Variants in ANO2 observed in about 807,000 individuals in gnomAD.
ANO2 encodes anoctamin 2, also known as anoctamin-2.
A neutral mutation model predicts 124.2 loss-of-function variants in ANO2; 101 were observed. The observed-to-expected ratio is 0.81, with a 90% CI of 0.69 to 0.96. The LOEUF (loss-of-function observed/expected upper bound fraction) is 0.96, where lower values mean the gene tolerates loss of function less well. Ranked by LOEUF, ANO2 falls within the 40% of genes least tolerant of loss-of-function variation. The pLI, the probability that ANO2 is intolerant of heterozygous loss-of-function variation, is 0.00. For missense variants in ANO2, 1,293 were observed against 1,274.5 expected, an observed-to-expected ratio of 1.01 and a Z score of -0.22; for synonymous variants, 486 against 482.5, an observed-to-expected ratio of 1.01 and a Z score of -0.09.
intron 10 of ANO2, among the ~76,000 whole-genome samples, chr12:5,755,351 A>AT (rs892309862): frequency 2.7e-5 from 4 of 149,880 alleles, no homozygotes; most frequent in Admixed American, 6.6e-5. Flanking sequence ...TGAGAATTCA[A>AT]TTTTTTTCTT....
chr12:5,638,236 C>CTTTTTTT (rs1565505659), intron 15 of ANO2, among the ~76,000 whole-genome samples: 7 of 139,630 alleles, frequency 5.0e-5, no homozygotes, highest in Admixed American at 1.4e-4. Context: ...TGTTTCTTTT[C>CTTTTTTT]CTTTTTTTTT....
At chr12:5,793,124 T>C (rs1279011960) in intron 10 of ANO2, among the ~76,000 whole-genome samples, 2 of 152,158 alleles carry the variant, frequency 1.3e-5, no homozygotes, top group Non-Finnish European at 2.9e-5. Flanking sequence ...ATTTAAAGGG[T>C]TGACCTATAC....
At chr12:5,663,818 C>G (rs1463023503) in intron 14 of ANO2, among the ~76,000 whole-genome samples, 1 of 152,194 alleles carries the variant, frequency 6.6e-6, no homozygotes, top group Non-Finnish European at 1.5e-5. Flanking sequence ...GGTCAGGCCT[C>G]TAAGATGTCA....
intron 1 of ANO2, among the ~76,000 whole-genome samples, chr12:5,926,144 G>C (rs1942068243): frequency 6.6e-6 from 1 of 152,210 alleles, no homozygotes; most frequent in Non-Finnish European, 1.5e-5. Context: ...TGGAAATCTA[G>C]AAGCAGCCTT....
At chr12:5,564,692 A>G (rs1941641135) in intron 24 of ANO2, 1 of 152,256 alleles carries the variant, frequency 6.6e-6, no homozygotes, top group African/African-American at 2.4e-5. Context: ...CATACGGGAA[A>G]GTGAGGAGAC....
rs1400243358 is a variant in ANO2, at chr12:5,827,547, C to T, written c.892+222G>A. On this transcript the variant is annotated intron_variant, in intron 7 of 24. Transcript: ENST00000682330. ...AAAGCCCGGAGACCTGGGAGGAGGG[C>T]CTGGGAGAAGTTACAACAGCCTGGG... Among the ~76,000 whole-genome samples the T allele has an allele frequency of 3.3e-5, 5 of 152,304 alleles. No homozygotes were observed. The East Asian group carries it at 9.7e-4, about 29-fold the overall frequency.
chr12:5,797,326 T>C (rs889016325), intron 10 of ANO2, among the ~76,000 whole-genome samples: 2 of 151,764 alleles, frequency 1.3e-5, no homozygotes, highest in African/African-American at 4.8e-5. Flanking sequence ...CACAGTTAGA[T>C]TGGGGAGTGG....
At chr12:5,697,741 G>A (rs542829592) in intron 14 of ANO2, among the ~76,000 whole-genome samples, 5 of 152,302 alleles carry the variant, frequency 3.3e-5, no homozygotes, top group South Asian at 4.1e-4. Context: ...CTGGAAAATC[G>A]GGTCACTCTC....
chr12:5,644,924 G>A (rs1025965178), intron 15 of ANO2, among the ~76,000 whole-genome samples: 1 of 152,118 alleles, frequency 6.6e-6, no homozygotes, highest in Non-Finnish European at 1.5e-5. Context: ...AATATCAGTT[G>A]TAAGTCCAGG....
intron 16 of ANO2, among the ~76,000 whole-genome samples, chr12:5,628,773 G>A (rs937946806): frequency 7.2e-5 from 11 of 152,202 alleles, no homozygotes; most frequent in African/African-American, 2.7e-4. Flanking sequence ...TAAGCAGGGT[G>A]TGCATCAATG....
chr12:5,623,179 T>A (rs1945214173), intron 16 of ANO2, among the ~76,000 whole-genome samples: 1 of 152,060 alleles, frequency 6.6e-6, no homozygotes, highest in Admixed American at 6.5e-5. Context: ...GCCTTGTGCT[T>A]TGAACAACTC....
chr12:5,750,074 G>A (rs536092127), intron 11 of ANO2, among the ~76,000 whole-genome samples: 20 of 151,990 alleles, frequency 1.3e-4, no homozygotes, highest in African/African-American at 4.8e-4. Context: ...GGGACTACAG[G>A]TACATGCCAC....
At chr12:5,711,940 A>G (rs1949833946) in intron 14 of ANO2, among the ~76,000 whole-genome samples, 1 of 152,190 alleles carries the variant, frequency 6.6e-6, no homozygotes, top group South Asian at 2.1e-4. Context: ...CATGGTGTCC[A>G]AATCCTATCT....
At chr12:5,937,941 C>T (rs528753954) in intron 1 of ANO2, among the ~76,000 whole-genome samples, 68 of 135,490 alleles carry the variant, frequency 5.0e-4, no homozygotes, top group African/African-American at 1.6e-3. Flanking sequence ...TTAGGACATG[C>T]TCATGAGGTC....
chr12:5,928,522 C>T (rs977160370), intron 1 of ANO2, among the ~76,000 whole-genome samples: 1 of 149,260 alleles, frequency 6.7e-6, no homozygotes, highest in Admixed American at 6.8e-5. Context: ...CTCTAGTCTA[C>T]CTTCCTTCCT....
intron 19 of ANO2, among the ~76,000 whole-genome samples, chr12:5,602,190 A>G (rs1009113947): frequency 6.6e-6 from 1 of 152,256 alleles, no homozygotes. Context: ...TCGGAAAAAA[A>G]GTAGAACAGA....
chr12:5,807,246 A>C (rs1953225970), intron 8 of ANO2, 67 bp downstream of exon 8: 1 of 1,395,782 alleles, frequency 7.2e-7, no homozygotes, highest in Admixed American at 2.2e-5. Context: ...TCTCACTGCC[A>C]CTGAAAAGTT....
intron 10 of ANO2, among the ~76,000 whole-genome samples, chr12:5,786,367 C>A (rs1046972832): frequency 1.3e-5 from 2 of 152,218 alleles, no homozygotes; most frequent in African/African-American, 2.4e-5. Flanking sequence ...ATCCTTCTAA[C>A]TCCCGGGTCA....
In ANO2 at chr12:5,563,627, G is replaced by C. The variant is rs997615340; in HGVS notation, c.2728-59C>G. ...GAGAGGCCCGGCCTGGGGAGGTGGC[G>C]GCCCTGGAGCAGAATGCCTCTGTGT... is the stretch of plus-strand genomic sequence containing the variant. On this transcript the variant is annotated intron_variant, in intron 24 of 24. Coordinates refer to ENST00000682330, the MANE Select transcript of ANO2 (RefSeq NM_001364791.2). 3.1e-5 allele frequency: 49 copies of C among 1,593,742 alleles called. No individual in the cohort carries two copies. The African/African-American group carries it at 6.6e-4, about 21-fold the overall frequency.
Sources: gnomAD v4.1 joint callset for allele counts (sites outside exome capture counted in the v4.1 genomes callset) on GRCh38, gnomAD v4.1.1 for gene constraint, MANE v1.5 for transcripts, NCBI Gene and HGNC (gene_info 2026-07-23, HGNC 2026-07-21) for gene names.